CDK19: variants seen among roughly 807,000 people sequenced by gnomAD.
CDK19 encodes the protein cyclin dependent kinase 19.
CDK19 carries 20 observed loss-of-function variants against 68.3 expected under a neutral mutation model. The observed-to-expected ratio is 0.29, with a 90% CI of 0.21 to 0.43. CDK19 has a LOEUF of 0.43. CDK19 is among the 20% of genes least tolerant of loss of function. CDK19 has a pLI of 1.00. For synonymous variants in CDK19, 221 were observed against 222.8 expected (o/e 0.99, Z 0.07); for missense variants, 339 against 623.5 (o/e 0.54, Z 4.86).
chr6:110,779,684 G>C (rs1308180372), intron 1 of CDK19, among the ~76,000 whole-genome samples: 1 of 152,198 alleles, frequency 6.6e-6, no homozygotes, highest in Non-Finnish European at 1.5e-5. Context: ...GGAAGGCTGA[G>C]GCAAGAGGAT....
intron 2 of CDK19, among the ~76,000 whole-genome samples, chr6:110,697,249 A>G (rs1773555845): frequency 1.3e-5 from 2 of 151,670 alleles, no homozygotes; most frequent in South Asian, 4.1e-4. Context: ...TAAATTAAAT[A>G]AATATAAATA....
At chr6:110,637,701 C>T (rs148193493) in intron 5 of CDK19, among the ~76,000 whole-genome samples, 27 of 152,320 alleles carry the variant, frequency 1.8e-4, no homozygotes, top group African/African-American at 6.5e-4. Context: ...CAGAATAGGC[C>T]TAGCGTGGTG....
At chr6:110,639,420 A>T (rs1387737741) in intron 4 of CDK19, among the ~76,000 whole-genome samples, 1 of 152,310 alleles carries the variant, frequency 6.6e-6, no homozygotes, top group African/African-American at 2.4e-5. Context: ...TGTGTTATTA[A>T]CTTACTGGAT....
intron 1 of CDK19, among the ~76,000 whole-genome samples, chr6:110,805,227 G>A (rs1179117545): frequency 6.6e-6 from 1 of 151,906 alleles, no homozygotes; most frequent in Non-Finnish European, 1.5e-5. Flanking sequence ...CTCCTTTATG[G>A]TTCTAGATAC....
intron 1 of CDK19, among the ~76,000 whole-genome samples, chr6:110,749,514 C>T (rs1458688513): frequency 6.6e-6 from 1 of 152,046 alleles, no homozygotes; most frequent in African/African-American, 2.4e-5. Context: ...GCACATACCA[C>T]ACACCCAGGT....
intron 4 of CDK19, among the ~76,000 whole-genome samples, chr6:110,665,644 T>C (rs1781876317): frequency 6.6e-6 from 1 of 152,228 alleles, no homozygotes; most frequent in African/African-American, 2.4e-5. Flanking sequence ...CTCAAAAATA[T>C]AACCTGCATA....
At chr6:110,656,447 G>A (rs1007548659) in intron 4 of CDK19, among the ~76,000 whole-genome samples, 11 of 152,182 alleles carry the variant, frequency 7.2e-5, no homozygotes, top group African/African-American at 2.7e-4. Context: ...TTTCTATTCA[G>A]AGACTCTAAC....
At chr6:110,643,065 G>A (rs995783554) in intron 4 of CDK19, 12 of 482,032 alleles carry the variant, frequency 2.5e-5, no homozygotes, top group Non-Finnish European at 3.6e-5. Flanking sequence ...TGAGCCTTGG[G>A]CCACCAGCAA....
chr6:110,696,888 G>A (rs746646142), intron 2 of CDK19, among the ~76,000 whole-genome samples: 9 of 152,028 alleles, frequency 5.9e-5, no homozygotes, highest in Middle Eastern at 3.4e-3. Context: ...GCAAAACCCC[G>A]TCTCTTCTAA....
intron 2 of CDK19, among the ~76,000 whole-genome samples, chr6:110,742,989 G>A (rs1777791198): frequency 6.6e-6 from 1 of 152,080 alleles, no homozygotes; most frequent in South Asian, 2.1e-4. Context: ...TTGCGGCTCA[G>A]GGGACATCAC....
Position 110,633,251 on chromosome 6 carries a change from T to A in CDK19, c.515-1090A>T, listed in dbSNP as rs181633525. 9.2e-3 allele frequency among the ~76,000 whole-genome samples: 1,390 copies of A among 151,750 alleles called. 21 individuals carry two copies. The highest frequency in any genetic ancestry group is 0.032 in the African/African-American group (1,326 of 41,244). On this transcript the variant is annotated intron_variant, in intron 5 of 12. Transcript: ENST00000368911. ...ACAAACAAGAGACAGAGCAAGACTG[T>A]CTCAAAACAAACAAACAAACAAACA...
chr6:110,662,406 T>A (rs1412737139), intron 4 of CDK19, among the ~76,000 whole-genome samples: 28 of 152,182 alleles, frequency 1.8e-4, no homozygotes, highest in Non-Finnish European at 1.2e-4. Context: ...ATAGTCTAAC[T>A]GATAGTTCAA....
Position 110,815,293 on chromosome 6 carries a change from G to A in CDK19, c.-157C>T. 1 of 773,632 alleles carries A rather than the reference G, an allele frequency of 1.3e-6. No homozygotes were observed. Among genetic ancestry groups the A allele is most frequent in the South Asian group, 3.1e-5 (1 of 32,430 alleles). 47.9% of individuals were successfully genotyped at this position (773,632 alleles called of 1,614,324 possible). On this transcript the variant is annotated 5_prime_UTR_variant, in exon 1 of 13. Transcript: ENST00000368911. ...CCCGCCGCTCCGCGGTCCGCCTTCA[G>A]CAAGGGACTCCTCGGCGGCCACAGC...
intron 2 of CDK19, among the ~76,000 whole-genome samples, chr6:110,724,014 TAA>T (rs34790034): frequency 1.2e-3 from 177 of 144,786 alleles, no homozygotes; most frequent in African/African-American, 2.8e-3. Flanking sequence ...CCAACATTCT[TAA>T]AAAAAAAAAA....
chr6:110,785,830 A>G (rs575325252), intron 1 of CDK19, among the ~76,000 whole-genome samples: 8 of 152,164 alleles, frequency 5.3e-5, no homozygotes, highest in African/African-American at 1.9e-4. Flanking sequence ...AAAATACAAA[A>G]TCAGCCAGGC....
At chr6:110,769,830 A>G (rs980374482) in intron 1 of CDK19, among the ~76,000 whole-genome samples, 2 of 152,102 alleles carry the variant, frequency 1.3e-5, no homozygotes, top group Non-Finnish European at 2.9e-5. Flanking sequence ...CTGGTAGCAA[A>G]ATACACCACA....
chr6:110,643,476 C>T (rs1780336532), intron 4 of CDK19, among the ~76,000 whole-genome samples: 1 of 152,110 alleles, frequency 6.6e-6, no homozygotes, highest in South Asian at 2.1e-4. Context: ...TATGTTCTCA[C>T]TTATTTGTGG....
intron 3 of CDK19, among the ~76,000 whole-genome samples, chr6:110,668,287 G>A (rs1195548073): frequency 6.6e-6 from 1 of 152,098 alleles, no homozygotes; most frequent in East Asian, 1.9e-4. Context: ...AATGGACACT[G>A]AGGACCATCA....
intron 1 of CDK19, among the ~76,000 whole-genome samples, chr6:110,757,762 A>G (rs1248445482): frequency 2.6e-5 from 4 of 152,198 alleles, no homozygotes; most frequent in African/African-American, 7.2e-5. Flanking sequence ...TAGAAAGATA[A>G]TAACAATTGA....
Sources: allele counts gnomAD v4.1 joint callset (sites outside exome capture counted in the v4.1 genomes callset), GRCh38; gene constraint gnomAD v4.1.1; transcripts MANE v1.5; gene names NCBI Gene and HGNC (gene_info 2026-07-23, HGNC 2026-07-21).